The following HIKESHI variants were observed in gnomAD, a reference collection of about 807,000 sequenced individuals.
The protein encoded by HIKESHI is heat shock protein nuclear import factor hikeshi, also known as protein Hikeshi.
HIKESHI carries 13 observed loss-of-function variants against 25.7 expected under a neutral mutation model. The ratio of observed to expected loss-of-function variants is 0.51; its 90% CI spans 0.33 to 0.80. The LOEUF is 0.80. HIKESHI is among the 30% of genes least tolerant of loss of function. The probability of loss-of-function intolerance (pLI) is 0.02; values close to 1 mark genes in which losing one functional copy is unlikely to be tolerated. For synonymous variants in HIKESHI, 76 were observed against 78.7 expected (o/e 0.97, Z 0.18); for missense variants, 174 against 229.5 (o/e 0.76, Z 1.56).
intron 2 of HIKESHI, among the ~76,000 whole-genome samples, chr11:86,321,509 G>T (rs536559463): frequency 1.3e-5 from 2 of 151,348 alleles, no homozygotes; most frequent in Non-Finnish European, 2.9e-5. Context: ...GTCAAACTAC[G>T]TTCCAACATG....
intron 1 of HIKESHI, among the ~76,000 whole-genome samples, chr11:86,305,909 G>C: frequency 6.6e-6 from 1 of 151,672 alleles, no homozygotes; most frequent in East Asian, 1.9e-4. Context: ...TACCTGGCTA[G>C]TTTTTGTATT....
At chr11:86,302,703 G>A (rs1316899519) in intron 1 of HIKESHI, among the ~76,000 whole-genome samples, 1 of 152,194 alleles carries the variant, frequency 6.6e-6, no homozygotes, top group Non-Finnish European at 1.5e-5. Flanking sequence ...TATTAAGTGT[G>A]CATTTTGTAC....
chr11:86,344,435 T>G (rs592428), intron 3 of HIKESHI, 168 bp from the exon 4 acceptor site: 2 of 455,142 alleles, frequency 4.4e-6, no homozygotes, highest in South Asian at 6.1e-5. Flanking sequence ...CCCAAAGTTT[T>G]GGGATTACAG....
chr11:86,315,094 G>A (rs1043544046), intron 2 of HIKESHI, among the ~76,000 whole-genome samples: 1 of 152,110 alleles, frequency 6.6e-6, no homozygotes, highest in African/African-American at 2.4e-5. Flanking sequence ...CTTCGCTTTG[G>A]TTGTGCCTAG....
intron 2 of HIKESHI, among the ~76,000 whole-genome samples, chr11:86,329,671 T>C (rs1350733986): frequency 6.6e-6 from 1 of 151,746 alleles, no homozygotes. Flanking sequence ...TAAACATAAA[T>C]GCATAACAAT....
chr11:86,334,236 ATGTGTGTGTGTGTGTGTG>A (rs60951435), intron 2 of HIKESHI, among the ~76,000 whole-genome samples: 16,744 of 147,086 alleles, frequency 0.11, 1,011 homozygotes, highest in East Asian at 0.24. Context: ...TTTGTAAAAT[ATGTGTGTGTGTGTGTGTG>A]TGTGTGTGTG....
intron 2 of HIKESHI, among the ~76,000 whole-genome samples, chr11:86,318,303 C>CAAAAAAAAA (rs71040230): frequency 0.012 from 427 of 35,644 alleles, 76 homozygotes; most frequent in African/African-American, 0.041. Context: ...GACTCCGTCT[C>CAAAAAAAAA]AAAAAAAAAA....
intron 2 of HIKESHI, among the ~76,000 whole-genome samples, chr11:86,316,788 T>C (rs1946993942): frequency 3.6e-5 from 1 of 27,800 alleles, no homozygotes; most frequent in East Asian, 8.6e-4. Context: ...TTTTTTTTTT[T>C]TTTTTTTTTT....
At chr11:86,316,057 A>T (rs1468915836) in intron 2 of HIKESHI, among the ~76,000 whole-genome samples, 1 of 144,700 alleles carries the variant, frequency 6.9e-6, no homozygotes, top group East Asian at 2.1e-4. Flanking sequence ...AGGTGAGAGG[A>T]TTACTTGAGC....
intron 2 of HIKESHI, among the ~76,000 whole-genome samples, chr11:86,333,451 C>T (rs575412046): frequency 1.3e-5 from 2 of 151,996 alleles, no homozygotes; most frequent in East Asian, 3.9e-4. Context: ...ATGAGAATTG[C>T]TTGAACCCAG....
chr11:86,332,940 A>G (rs145470917), intron 2 of HIKESHI, among the ~76,000 whole-genome samples: 255 of 152,384 alleles, frequency 1.7e-3, no homozygotes, highest in Non-Finnish European at 2.6e-3. Flanking sequence ...AGTAATATAA[A>G]AGGAGACTGG....
intron 2 of HIKESHI, among the ~76,000 whole-genome samples, chr11:86,315,768 G>C (rs939487645): frequency 1.3e-5 from 2 of 152,084 alleles, no homozygotes; most frequent in African/African-American, 2.4e-5. Context: ...AAGGATGCAA[G>C]ACACAAAGTT....
intron 3 of HIKESHI, among the ~76,000 whole-genome samples, chr11:86,337,883 G>A (rs1418370165): frequency 6.6e-6 from 1 of 151,764 alleles, no homozygotes; most frequent in Non-Finnish European, 1.5e-5. Context: ...GGCTGGTCTC[G>A]AACTCCAGAC....
Position 86,306,295 on chromosome 11 carries a change from A to G in HIKESHI, c.81A>G (p.Leu27=). Residue 27 remains leucine, a synonymous_variant, in exon 2 of 5, where the codon TTA becomes TTG. Coordinates refer to ENST00000278483, the MANE Select transcript of HIKESHI (RefSeq NM_016401.4). The part of the protein sequence containing the change: ...QVAEDKFVFD[L]PDYESINHVV... Reference sequence around the variant, plus strand: ...CAGAGGATAAATTTGTTTTTGACTTACCTGATTATGAAAGTATCAACCATG... The same window carrying G: ...CAGAGGATAAATTTGTTTTTGACTTGCCTGATTATGAAAGTATCAACCATG... 6.2e-7 allele frequency: 1 copy of G among 1,614,072 alleles called. No homozygotes were observed. Among genetic ancestry groups the G allele is most frequent in the East Asian group, 2.2e-5 (1 of 44,870 alleles).
Position 86,337,543 on chromosome 11 carries a change from A to G in HIKESHI, c.420+13A>G, listed in dbSNP as rs1947602165. On this transcript the variant is annotated intron_variant, in intron 3 of 4. Transcript: ENST00000278483. The stretch of plus-strand genomic sequence containing the variant: ...CTCATTCACTCAGGTAATGCAACAT[A>G]CATTTCATTCTTTACCTCCCCCTCC... 1 of 1,607,994 alleles carries G rather than the reference A, an allele frequency of 6.2e-7. No homozygotes were observed. Among genetic ancestry groups the G allele is most frequent in the African/African-American group, 1.3e-5 (1 of 74,688 alleles).
At chr11:86,343,696 C>T (rs1045685072) in intron 3 of HIKESHI, 4 of 152,022 alleles carry the variant, frequency 2.6e-5, no homozygotes, top group East Asian at 1.9e-4. Flanking sequence ...CAGGTGCCTT[C>T]GCAGCAGAGT....
At chr11:86,318,376 A>C (rs1947054446) in intron 2 of HIKESHI, among the ~76,000 whole-genome samples, 1 of 151,352 alleles carries the variant, frequency 6.6e-6, no homozygotes, top group African/African-American at 2.4e-5. Flanking sequence ...TCAGTAATTA[A>C]AAATATACCT....
chr11:86,331,320 GTCTAC>G (rs1362597546), intron 2 of HIKESHI, among the ~76,000 whole-genome samples: 4 of 151,976 alleles, frequency 2.6e-5, no homozygotes, highest in African/African-American at 2.4e-5. Flanking sequence ...GAAACCCCAT[GTCTAC>G]TAAAAATACA....
At chr11:86,336,416 G>A (rs1024118745) in intron 2 of HIKESHI, among the ~76,000 whole-genome samples, 2 of 152,194 alleles carry the variant, frequency 1.3e-5, no homozygotes, top group African/African-American at 4.8e-5. Context: ...TGGTGACTGG[G>A]TCATGGGAGT....
Sources: gnomAD v4.1 joint callset for allele counts (sites outside exome capture counted in the v4.1 genomes callset) on GRCh38, gnomAD v4.1.1 for gene constraint, MANE v1.5 for transcripts, NCBI Gene and HGNC (gene_info 2026-07-23, HGNC 2026-07-21) for gene names.